CRYL1: variants seen among roughly 807,000 people sequenced by gnomAD.
CRYL1 encodes crystallin lambda 1.
A neutral mutation model predicts 36.6 loss-of-function variants in CRYL1; 29 were observed. The observed-to-expected ratio is 0.79, with a 90% CI of 0.59 to 1.08. CRYL1 has a LOEUF of 1.08. Ranked by LOEUF, CRYL1 falls within the 50% of genes least tolerant of loss-of-function variation. CRYL1 has a pLI of 0.00. For synonymous variants in CRYL1, 152 were observed against 151.5 expected (o/e 1.00, Z -0.02); for missense variants, 411 against 407.9 (o/e 1.01, Z -0.06).
At chr13:20,432,041 G>C in intron 5 of CRYL1, 61 bp downstream of exon 5, 1 of 1,612,506 alleles carries the variant, frequency 6.2e-7, no homozygotes, top group Non-Finnish European at 8.5e-7. Flanking sequence ...TCAACTTTGA[G>C]AGGGAGGGAA....
chr13:20,479,449 G>T (rs755391359), intron 3 of CRYL1, among the ~76,000 whole-genome samples: 1 of 151,942 alleles, frequency 6.6e-6, no homozygotes. Context: ...TGAGATAGAG[G>T]GATGATCAAC....
At chr13:20,522,345 C>A (rs1238843024) in intron 1 of CRYL1, among the ~76,000 whole-genome samples, 2 of 145,790 alleles carry the variant, frequency 1.4e-5, no homozygotes, top group Non-Finnish European at 3.0e-5. Flanking sequence ...GAGCAAGAAT[C>A]CGTCTCAAAA....
intron 1 of CRYL1, among the ~76,000 whole-genome samples, chr13:20,524,333 A>G (rs1316798459): frequency 6.6e-6 from 1 of 152,148 alleles, no homozygotes; most frequent in Non-Finnish European, 1.5e-5. Context: ...TCTGGTAACT[A>G]TTAATAAAAT....
chr13:20,482,995 C>G (rs2033309127), intron 3 of CRYL1, among the ~76,000 whole-genome samples: 1 of 152,000 alleles, frequency 6.6e-6, no homozygotes, highest in Non-Finnish European at 1.5e-5. Flanking sequence ...AGCAGTGGGT[C>G]TCATGGAGGT....
At chr13:20,452,591 G>A (rs1261438098) in intron 3 of CRYL1, among the ~76,000 whole-genome samples, 1 of 152,120 alleles carries the variant, frequency 6.6e-6, no homozygotes, top group Non-Finnish European at 1.5e-5. Flanking sequence ...GGATTTTTAG[G>A]GCTGTGACAA....
chr13:20,493,922 G>A (rs544271670), intron 2 of CRYL1, among the ~76,000 whole-genome samples: 3 of 152,294 alleles, frequency 2.0e-5, no homozygotes, highest in South Asian at 2.1e-4. Flanking sequence ...AGATGCAGCC[G>A]CAGAGATGGT....
chr13:20,410,851 T>C (rs552436660), intron 6 of CRYL1, among the ~76,000 whole-genome samples: 66 of 152,230 alleles, frequency 4.3e-4, no homozygotes, highest in African/African-American at 1.6e-3. Context: ...TGCCCAAGGT[T>C]ATACAGCCAG....
At chr13:20,514,140 G>T (rs553096895) in intron 1 of CRYL1, among the ~76,000 whole-genome samples, 1 of 152,288 alleles carries the variant, frequency 6.6e-6, no homozygotes, top group South Asian at 2.1e-4. Flanking sequence ...CCTTAGGCAG[G>T]TAGGGCATCA....
chr13:20,516,629 G>A (rs1162812236), intron 1 of CRYL1, among the ~76,000 whole-genome samples: 4 of 151,962 alleles, frequency 2.6e-5, no homozygotes, highest in African/African-American at 2.4e-5. Context: ...ACAGGCGCTC[G>A]CCACCACGCC....
At chr13:20,502,205 A>G (rs906269335) in intron 2 of CRYL1, among the ~76,000 whole-genome samples, 4 of 152,130 alleles carry the variant, frequency 2.6e-5, no homozygotes, top group African/African-American at 4.8e-5. Flanking sequence ...GGATCTGCAA[A>G]CCTTGTAGTG....
chr13:20,505,646 ATGTATGGTCTGTCC>A (rs1021828871), intron 2 of CRYL1, among the ~76,000 whole-genome samples: 2 of 152,158 alleles, frequency 1.3e-5, no homozygotes, highest in Non-Finnish European at 2.9e-5. Context: ...TGGGGGTGTG[ATGTATGGTCTGTCC>A]TGAGGGAGCC....
At chr13:20,520,768 G>A (rs1025508814) in intron 1 of CRYL1, among the ~76,000 whole-genome samples, 13 of 152,206 alleles carry the variant, frequency 8.5e-5, no homozygotes, top group Non-Finnish European at 1.9e-4. Flanking sequence ...AACATCTGCA[G>A]CCTGGGATGC....
chr13:20,470,239 G>A (rs953031253), intron 3 of CRYL1, among the ~76,000 whole-genome samples: 1 of 152,222 alleles, frequency 6.6e-6, no homozygotes, highest in Non-Finnish European at 1.5e-5. Flanking sequence ...CCACTGCCGC[G>A]ACTCAGGCCT....
At chr13:20,501,014 C>T (rs9509256) in intron 2 of CRYL1, among the ~76,000 whole-genome samples, 132,566 of 152,142 alleles carry the variant, frequency 0.87, 60,379 homozygotes, top group East Asian at 1. Context: ...TCCTTGCCCC[C>T]CCCTAGTTCC....
At position 20,413,288 on chromosome 13, in the gene CRYL1, C is replaced by T; in HGVS notation, c.733G>A (p.Ala245Thr). 6.2e-7 allele frequency: 1 copy of T among 1,604,466 alleles called. No homozygotes were observed. The highest frequency in any genetic ancestry group is 2.2e-5 in the East Asian group (1 of 44,830). ...CCTGGCCCCAGATGCATACCTTCTG[C>T]ATTGAGATGCATGGTTTCCAGGGGT... ...IGPLETMHLN[A>T]EGMLSYCDRY... Residue 245 changes from alanine to threonine, a missense_variant, in exon 6 of 8, where the codon GCA (alanine) becomes ACA (threonine). Ala to Thr is a moderately conservative substitution (Grantham distance 58). Coordinates refer to ENST00000298248, the MANE Select transcript of CRYL1 (RefSeq NM_015974.3).
intron 1 of CRYL1, among the ~76,000 whole-genome samples, chr13:20,519,974 T>C (rs912460640): frequency 1.6e-4 from 24 of 152,334 alleles, no homozygotes; most frequent in Middle Eastern, 3.4e-3. Flanking sequence ...TTAGATACTA[T>C]ACATGCTGAC....
intron 2 of CRYL1, among the ~76,000 whole-genome samples, chr13:20,490,916 T>C (rs2033498514): frequency 6.7e-6 from 1 of 149,846 alleles, no homozygotes; most frequent in Non-Finnish European, 1.5e-5. Flanking sequence ...TGCTTTGTTT[T>C]GTTTTTTGAG....
intron 5 of CRYL1, among the ~76,000 whole-genome samples, chr13:20,422,186 C>A (rs2031833447): frequency 6.6e-6 from 1 of 151,910 alleles, no homozygotes; most frequent in Admixed American, 6.6e-5. Flanking sequence ...TGGAGAAACC[C>A]CATCTCTACT....
chr13:20,456,493 A>G (rs987932844), intron 3 of CRYL1, among the ~76,000 whole-genome samples: 1 of 151,166 alleles, frequency 6.6e-6, no homozygotes, highest in East Asian at 1.9e-4. Context: ...AAAAAAAAAA[A>G]AAAGAAAAGA....
Sources: allele counts gnomAD v4.1 joint callset (sites outside exome capture counted in the v4.1 genomes callset), GRCh38; gene constraint gnomAD v4.1.1; transcripts MANE v1.5; gene names NCBI Gene and HGNC (gene_info 2026-07-23, HGNC 2026-07-21).